Variants in ARHGDIG observed in about 807,000 individuals in gnomAD.
The protein encoded by ARHGDIG is Rho GDP dissociation inhibitor gamma.
ARHGDIG carries 14 observed loss-of-function variants against 20.2 expected under a neutral mutation model. That is an observed-to-expected ratio of 0.69 (90% CI 0.46 to 1.08). The LOEUF is 1.08. Ranked by LOEUF, ARHGDIG falls within the 50% of genes least tolerant of loss-of-function variation. The pLI is 0.00. For synonymous variants in ARHGDIG, 193 were observed against 138.6 expected, an observed-to-expected ratio of 1.39 and a Z score of -2.76; for missense variants, 311 against 301.8, an observed-to-expected ratio of 1.03 and a Z score of -0.23.
rs752390618 is a variant in ARHGDIG at position 283,004 on chromosome 16, TCTC to T, written c.*191_*193del. The T allele has an allele frequency of 6.5e-4, 465 of 710,628 alleles. No homozygotes were observed. The highest frequency in any genetic ancestry group is 2.6e-3 in the East Asian group (80 of 30,468). The allele number at this position is 710,628 out of a possible 1,614,324, so 44.0% of individuals were successfully genotyped here. A position where few individuals can be genotyped will look rare whatever the true frequency, so the allele number is the denominator to read the frequency against. ...GTCCCATTAAACATGGCCCTGTCTC[TCTC>T]GGTGCCCTGGGTGTCGTCTCTTTCT... On this transcript the variant is annotated 3_prime_UTR_variant, in exon 6 of 6. Coordinates refer to ENST00000219409, the MANE Select transcript of ARHGDIG (RefSeq NM_001176.4).
Position 280,921 on chromosome 16 carries a change from G to A in ARHGDIG, c.73+168G>A. 3.2e-6 allele frequency: 1 copy of A among 311,550 alleles called. No homozygotes were observed. Among genetic ancestry groups the A allele is most frequent in the Non-Finnish European group, 5.6e-6 (1 of 177,984 alleles). The allele number at this position is 311,550 out of a possible 1,614,324, so 19.3% of individuals were successfully genotyped here. ...ACTTCATCCAGGCTCCAGCCCTGTGGGGAAGGGACCAGGTGCGGACGGGTC... is the reference window on the plus strand; with the variant it reads ...ACTTCATCCAGGCTCCAGCCCTGTGAGGAAGGGACCAGGTGCGGACGGGTC... On this transcript the variant is annotated intron_variant, in intron 1 of 5. Transcript: ENST00000219409. The surrounding 1 kb of genome is among the most constrained non-coding windows in gnomAD (Gnocchi z 6.6).
At position 282,994 on chromosome 16, in the gene ARHGDIG, G is replaced by T; in HGVS notation, c.*180G>T. The stretch of plus-strand genomic sequence containing the variant: ...CCCCTGAGCTGTCCCATTAAACATG[G>T]CCCTGTCTCTCTCGGTGCCCTGGGT... On this transcript the variant is annotated 3_prime_UTR_variant, in exon 6 of 6. Coordinates refer to ENST00000219409, the MANE Select transcript of ARHGDIG (RefSeq NM_001176.4). 1 of 839,366 alleles carries T rather than the reference G, an allele frequency of 1.2e-6. No homozygotes were observed. Among genetic ancestry groups the T allele is most frequent in the Non-Finnish European group, 1.7e-6 (1 of 601,720 alleles). 52.0% of individuals were successfully genotyped at this position (839,366 alleles called of 1,614,324 possible). A position where few individuals can be genotyped will look rare whatever the true frequency, so the allele number is the denominator to read the frequency against.
In ARHGDIG at chr16:282,733, G is replaced by A; in HGVS notation, c.597G>A (p.Val199=). 2 of 1,606,248 alleles carry A rather than the reference G, an allele frequency of 1.2e-6. No homozygotes were observed. Among genetic ancestry groups the A allele is most frequent in the Non-Finnish European group, 1.7e-6 (2 of 1,176,818 alleles). Residue 199 remains valine, a synonymous_variant, in exon 6 of 6, where the codon GTG becomes GTA. Coordinates refer to ENST00000219409, the MANE Select transcript of ARHGDIG (RefSeq NM_001176.4). ...GALVRGPYLV[V]SLFTDDDRTH... ...TGGTGCGGGGCCCCTATCTGGTGGTGTCCCTCTTCACCGACGATGACAGGA... is the reference window on the plus strand; with the variant it reads ...TGGTGCGGGGCCCCTATCTGGTGGTATCCCTCTTCACCGACGATGACAGGA...
Position 280,824 on chromosome 16 carries a change from C to A in ARHGDIG, c.73+71C>A. 1 of 1,099,876 alleles carries A rather than the reference C, an allele frequency of 9.1e-7. No individual in the cohort carries two copies. The highest frequency in any genetic ancestry group is 1.1e-6 in the Non-Finnish European group (1 of 875,988). The allele number at this position is 1,099,876 out of a possible 1,614,324, so 68.1% of individuals were successfully genotyped here. On this transcript the variant is annotated intron_variant, in intron 1 of 5. Coordinates refer to ENST00000219409, the MANE Select transcript of ARHGDIG (RefSeq NM_001176.4). This position sits in a 1 kb window ranked among gnomAD's most constrained non-coding sequence, Gnocchi z 6.6. The stretch of plus-strand genomic sequence containing the variant: ...CGGGCGGGGAGTAGCCCCTCCCCCG[C>A]GGCAACTTTGGGGGCGCGCATGGGG...
Position 282,785 on chromosome 16 carries a change from C to G in ARHGDIG, c.649C>G (p.Leu217Val). 6.2e-7 allele frequency: 1 copy of G among 1,607,828 alleles called. No individual in the cohort carries two copies. The highest frequency in any genetic ancestry group is 8.5e-7 in the Non-Finnish European group (1 of 1,178,408). The change falls in exon 6 of 6, where the codon CTC (leucine) becomes GTC (valine). Residue 217 changes from leucine (L) to valine (V), a missense_variant. By Grantham distance (32) the Leu-to-Val change is conservative. Coordinates refer to ENST00000219409, the MANE Select transcript of ARHGDIG (RefSeq NM_001176.4). ...RTHHLSWEWG[L>V]CICQDWKD ...GCACCACCTGTCCTGGGAGTGGGGT[C>G]TCTGCATCTGCCAGGACTGGAAGGA... is the stretch of plus-strand genomic sequence containing the variant.
At position 282,488 on chromosome 16, in the gene ARHGDIG, G is replaced by A. The variant is rs143766514; in HGVS notation, c.436G>A (p.Gly146Ser). Residue 146 changes from glycine (G) to serine (S), a missense_variant, in exon 5 of 6, where the codon GGC becomes AGC. Transcript: ENST00000219409. ...CCAGGTCCACAGGGAGATTGTCAGCGGCCTCAAGTGTCTGCACCACACCTA... is the reference window on the plus strand; with the variant it reads ...CCAGGTCCACAGGGAGATTGTCAGCAGCCTCAAGTGTCTGCACCACACCTA... ...SFKVHREIVS[G>S]LKCLHHTYRR... The A allele has an allele frequency of 1.9e-6, 3 of 1,610,876 alleles. No individual in the cohort carries two copies. Among genetic ancestry groups the A allele is most frequent in the Non-Finnish European group, 2.5e-6 (3 of 1,179,560 alleles).
chr16:280,856 C>A lies in ARHGDIG; in HGVS notation c.73+103C>A. 2 of 664,484 alleles carry A rather than the reference C, an allele frequency of 3.0e-6. No homozygotes were observed. The highest frequency in any genetic ancestry group is 3.9e-6 in the Non-Finnish European group (2 of 506,930). The allele number at this position is 664,484 out of a possible 1,614,324, so 41.2% of individuals were successfully genotyped here. A position where few individuals can be genotyped will look rare whatever the true frequency, so the allele number is the denominator to read the frequency against. ...TTTGGGGGCGCGCATGGGGACCTCG[C>A]GGCGCCGACCCCCCGGCTGGGGTCT... On this transcript the variant is annotated intron_variant, in intron 1 of 5. Coordinates refer to ENST00000219409, the MANE Select transcript of ARHGDIG (RefSeq NM_001176.4). The surrounding 1 kb of genome is among the most constrained non-coding windows in gnomAD (Gnocchi z 6.6).
chr16:282,070 CG>C lies in ARHGDIG; in HGVS notation c.301del (p.Glu101AsnfsTer18). The part of the protein sequence containing the change: ...NVQVTRLTLL[S>X]EQAPGPVVMD... ...CAGGTGACCAGGCTGACACTCCTGT[CG>C]GAACAGGCTCCGGGGCCCGTCGTCA... On this transcript the variant is annotated frameshift_variant, in exon 3 of 6. Transcript: ENST00000219409. LOFTEE classifies it high-confidence loss of function. The C allele has an allele frequency of 1.2e-6, 2 of 1,612,838 alleles. No individual in the cohort carries two copies. Among genetic ancestry groups the C allele is most frequent in the Non-Finnish European group, 1.7e-6 (2 of 1,179,944 alleles).
intron 5 of ARHGDIG, 31 bp downstream of exon 5, chr16:282,561 G>C (rs761872944): frequency 5.8e-6 from 9 of 1,546,858 alleles, no homozygotes; most frequent in East Asian, 2.4e-5. Flanking sequence ...AACGGGGCGG[G>C]GGGGGGAAGC....
In ARHGDIG at chr16:282,999, GTCTC is replaced by G. The variant is rs28365940; in HGVS notation, c.*190_*193del. Reference sequence around the variant, plus strand: ...GAGCTGTCCCATTAAACATGGCCCTGTCTCTCTCGGTGCCCTGGGTGTCGTCTCT... The same window carrying G: ...GAGCTGTCCCATTAAACATGGCCCTGTCTCGGTGCCCTGGGTGTCGTCTCT... On this transcript the variant is annotated 3_prime_UTR_variant, in exon 6 of 6. Transcript: ENST00000219409. The G allele has an allele frequency of 0.85, 785,436 of 924,276 alleles. 336,019 individuals carry two copies. Among genetic ancestry groups the G allele is most frequent in the East Asian group, 0.92 (33,730 of 36,590 alleles). 57.3% of individuals were successfully genotyped at this position (924,276 alleles called of 1,614,324 possible).
At position 280,615 on chromosome 16, in the gene ARHGDIG, G is replaced by A. The variant is rs2141442755; in HGVS notation, c.-66G>A. 1.3e-6 allele frequency: 1 copy of A among 778,374 alleles called. No homozygotes were observed. The highest frequency in any genetic ancestry group is 6.5e-5 in the Admixed American group (1 of 15,350). The allele number at this position is 778,374 out of a possible 1,614,324, so 48.2% of individuals were successfully genotyped here. A position where few individuals can be genotyped will look rare whatever the true frequency, so the allele number is the denominator to read the frequency against. The stretch of plus-strand genomic sequence containing the variant: ...CAGTCGCGCCGGGGCTGAGCGCCGA[G>A]CGGGGCGGCGGCGGGGCGGGCGGCG... On this transcript the variant is annotated 5_prime_UTR_variant, in exon 1 of 6. Transcript: ENST00000219409. This position sits in a 1 kb window ranked among gnomAD's most constrained non-coding sequence, Gnocchi z 6.6.
chr16:281,762 G>C lies in ARHGDIG; in HGVS notation c.90G>C (p.Lys30Asn), dbSNP rs1380099332. ...ALCARVLLAD[K>N]EGGPPAVDEV... ...CACCCCCAGTCCTCCTGGCTGACAA[G>C]GAGGGTGGGCCGCCGGCAGTGGACG... Residue 30 changes from lysine to asparagine, a missense_variant, in exon 2 of 6, where the codon AAG (lysine) becomes AAC (asparagine). By Grantham distance (94) the Lys-to-Asn change is moderately conservative. Coordinates refer to ENST00000219409, the MANE Select transcript of ARHGDIG (RefSeq NM_001176.4). 1 of 1,598,482 alleles carries C rather than the reference G, an allele frequency of 6.3e-7. No individual in the cohort carries two copies. Among genetic ancestry groups the C allele is most frequent in the Non-Finnish European group, 8.5e-7 (1 of 1,172,850 alleles).
intron 4 of ARHGDIG, 35 bp from the exon 5 acceptor site, chr16:282,432 G>GC (rs1263538258): frequency 6.2e-7 from 1 of 1,612,012 alleles, no homozygotes; most frequent in African/African-American, 1.3e-5. Flanking sequence ...CAGAGGCCTG[G>GC]CCCCCAGAGG....
rs2052286153 is a variant in ARHGDIG at position 281,750 on chromosome 16, C to T, written c.78C>T (p.Leu26=). 1 of 1,587,724 alleles carries T rather than the reference C, an allele frequency of 6.3e-7. No individual in the cohort carries two copies. The highest frequency in any genetic ancestry group is 2.3e-5 in the East Asian group (1 of 43,372). Residue 26 remains leucine, a synonymous_variant, in exon 2 of 6, where the codon CTC becomes CTT. Coordinates refer to ENST00000219409, the MANE Select transcript of ARHGDIG (RefSeq NM_001176.4). ...CACGCCCCTCCCCACCCCCAGTCCT[C>T]CTGGCTGACAAGGAGGGTGGGCCGC... The part of the protein sequence containing the change: ...LLRLALCARV[L]LADKEGGPPA...
chr16:281,606 C>G, intron 1 of ARHGDIG, 140 bp from the exon 2 acceptor site: 2 of 1,050,450 alleles, frequency 1.9e-6, no homozygotes, highest in South Asian at 3.4e-5. Flanking sequence ...TCTCTGCTCG[C>G]TCTCTCCCTG....
intron 1 of ARHGDIG, chr16:281,004 C>CAGA (rs2052277260): frequency 9.6e-6 from 2 of 208,312 alleles, no homozygotes; most frequent in Non-Finnish European, 2.0e-5. Flanking sequence ...GCCTGGAGCC[C>CAGA]CTCTGTCTTG....
rs1379835611 is a variant in ARHGDIG at position 280,732 on chromosome 16, C to G, written c.52C>G (p.Arg18Gly). 9.3e-6 allele frequency: 12 copies of G among 1,293,894 alleles called. No homozygotes were observed. Among genetic ancestry groups the G allele is most frequent in the Non-Finnish European group, 9.8e-6 (10 of 1,017,092 alleles). 80.2% of individuals were successfully genotyped at this position (1,293,894 alleles called of 1,614,324 possible). Residue 18 changes from arginine to glycine, a missense_variant, in exon 1 of 6, where the codon CGG becomes GGG. Transcript: ENST00000219409. The surrounding 1 kb of genome is among the most constrained non-coding windows in gnomAD (Gnocchi z 6.6). ...GGGGGCGCAGCTGCTGGAGCTGCTC[C>G]GGCTGGCGCTGTGCGCCCGAGGTGA... ...ELGAQLLELLRLALCARVLLA... is the reference protein window; with the variant it reads ...ELGAQLLELLGLALCARVLLA...
At position 281,480 on chromosome 16, in the gene ARHGDIG, T is replaced by G. The variant is rs545547966; in HGVS notation, c.74-266T>G. On this transcript the variant is annotated intron_variant, in intron 1 of 5. Coordinates refer to ENST00000219409, the MANE Select transcript of ARHGDIG (RefSeq NM_001176.4). ...GCTCCCCCGCCCTTTGGTCTCCGAG[T>G]CAGGGAGGGGGCCCTTGTGGACATC... is the stretch of plus-strand genomic sequence containing the variant. 7 of 434,796 alleles carry G rather than the reference T, an allele frequency of 1.6e-5. No individual in the cohort carries two copies. In the South Asian group the frequency reaches 3.0e-4, roughly 19 times the overall value. The allele number at this position is 434,796 out of a possible 1,614,324, so 26.9% of individuals were successfully genotyped here. A position where few individuals can be genotyped will look rare whatever the true frequency, so the allele number is the denominator to read the frequency against.
Position 282,846 on chromosome 16 carries a change from AGTT to A in ARHGDIG, c.*37_*39del, listed in dbSNP as rs2052302477. On this transcript the variant is annotated 3_prime_UTR_variant, in exon 6 of 6. Transcript: ENST00000219409. Reference sequence around the variant, plus strand: ...AGTCCGTGTCTCCCCTACCTCCCTCAGTTGTTGCACAGGGACCCCCAAGCATCC... The same window carrying A: ...AGTCCGTGTCTCCCCTACCTCCCTCAGTTGCACAGGGACCCCCAAGCATCC... 2 of 1,548,808 alleles carry A rather than the reference AGTT, an allele frequency of 1.3e-6. No homozygotes were observed. The highest frequency in any genetic ancestry group is 1.7e-6 in the Non-Finnish European group (2 of 1,152,554).
Sources: allele counts gnomAD v4.1 joint callset, GRCh38; gene constraint gnomAD v4.1.1; non-coding constraint Gnocchi (gnomAD v3.1); transcripts MANE v1.5; gene names NCBI Gene and HGNC (gene_info 2026-07-23, HGNC 2026-07-21).